The following CALR variants were observed in gnomAD, a reference collection of about 807,000 sequenced individuals.
The protein encoded by CALR is calreticulin.
CALR carries 15 observed loss-of-function variants against 51.1 expected under a neutral mutation model. That is an observed-to-expected ratio of 0.29 (90% confidence interval 0.20 to 0.45). The LOEUF (loss-of-function observed/expected upper bound fraction) is 0.45, where lower values mean the gene tolerates loss of function less well. Ranked by LOEUF, CALR falls within the 20% of genes least tolerant of loss-of-function variation. The pLI is 1.00. For missense variants in CALR, 477 were observed against 530.6 expected, an observed-to-expected ratio of 0.90 and a Z score of 0.99; for synonymous variants, 239 against 205.9, an observed-to-expected ratio of 1.16 and a Z score of -1.38.
In CALR at chr19:12,940,731, C is replaced by T. The variant is rs367698874; in HGVS notation, c.817-13C>T. On this transcript the variant is annotated splice_polypyrimidine_tract_variant and intron_variant, in intron 6 of 8. Transcript: ENST00000316448. Reference sequence around the variant, plus strand: ...ACCTTACTCACCCTTCGGTTTCCTTCTCCCTTCTGCAGGGTGAGTGGAAGC... The same window carrying T: ...ACCTTACTCACCCTTCGGTTTCCTTTTCCCTTCTGCAGGGTGAGTGGAAGC... 3.5e-5 allele frequency: 57 copies of T among 1,614,064 alleles called. No homozygotes were observed. The highest frequency in any genetic ancestry group is 4.7e-5 in the Non-Finnish European group (55 of 1,180,034).
chr19:12,941,018 C>A (rs1378239205), intron 7 of CALR, 131 bp downstream of exon 7: 10 of 847,698 alleles, frequency 1.2e-5, no homozygotes, highest in Non-Finnish European at 2.0e-5. Flanking sequence ...AACAGTACTT[C>A]CTGGTCTGTC....
At position 12,943,577 on chromosome 19, in the gene CALR, A is replaced by G; in HGVS notation, c.1001A>G (p.Asn334Ser). The G allele has an allele frequency of 1.2e-6, 2 of 1,614,044 alleles. No homozygotes were observed. Among genetic ancestry groups the G allele is most frequent in the Non-Finnish European group, 1.7e-6 (2 of 1,179,974 alleles). The change falls in exon 8 of 9, where the codon AAC (asparagine) becomes AGC (serine). Residue 334 changes from asparagine (N) to serine (S), a missense_variant. Coordinates refer to ENST00000316448, the MANE Select transcript of CALR (RefSeq NM_004343.4). ...GTIFDNFLIT[N>S]DEAYAEEFGN... is the part of the protein sequence containing the mutation. ...ATCTTTGACAACTTCCTCATCACCA[A>G]CGATGAGGCATACGCTGAGGAGTTT...
At chr19:12,941,489 T>G (rs1331256877) in intron 7 of CALR, among the ~76,000 whole-genome samples, 1 of 62,364 alleles carries the variant, frequency 1.6e-5, no homozygotes, top group African/African-American at 6.1e-5. Flanking sequence ...TTTTTTTTTT[T>G]GAGACCGTGC....
At chr19:12,941,882 G>C (rs1224372959) in intron 7 of CALR, among the ~76,000 whole-genome samples, 1 of 151,954 alleles carries the variant, frequency 6.6e-6, no homozygotes, top group Non-Finnish European at 1.5e-5. Flanking sequence ...GGGATTACAA[G>C]GGTTAGCCAC....
chr19:12,940,712 C>T (rs1283495828), intron 6 of CALR, 32 bp from the exon 7 acceptor site: 4 of 1,614,156 alleles, frequency 2.5e-6, no homozygotes, highest in South Asian at 1.1e-5. Flanking sequence ...ACCAACCTTA[C>T]TCACCCTTCG....
rs752236819 is a variant in CALR at position 12,940,115 on chromosome 19, A to G, written c.460A>G (p.Asn154Asp). The G allele has an allele frequency of 8.7e-6, 14 of 1,614,114 alleles. No individual in the cohort carries two copies. The highest frequency in any genetic ancestry group is 1.3e-5 in the African/African-American group (1 of 74,938). Residue 154 changes from asparagine (N) to aspartate (D), a missense_variant, in exon 4 of 9, where the codon AAC (asparagine) becomes GAC (aspartate). By Grantham distance (23) the Asn-to-Asp change is conservative. Transcript: ENST00000316448. ...TGTCATCTTCAACTACAAGGGCAAG[A>G]ACGTGCTGATCAACAAGGACATCCG... ...VHVIFNYKGK[N>D]VLINKDIRCK...
Position 12,943,848 on chromosome 19 carries a change from G to A in CALR, c.1189G>A (p.Asp397Asn). 6.3e-7 allele frequency: 1 copy of A among 1,580,888 alleles called. No individual in the cohort carries two copies. Among genetic ancestry groups the A allele is most frequent in the Non-Finnish European group, 8.6e-7 (1 of 1,163,414 alleles). ...TGAGGACAAAGATGAGGATGAGGAG[G>A]ATGAGGAGGACAAGGAGGAAGATGA... is the stretch of plus-strand genomic sequence containing the variant. ...DDEDKDEDEE[D>N]EEDKEEDEEE... is the part of the protein sequence containing the mutation. Residue 397 changes from aspartate (D) to asparagine (N), a missense_variant, in exon 9 of 9, where the codon GAT (aspartate) becomes AAT (asparagine). Transcript: ENST00000316448.
intron 5 of CALR, 30 bp downstream of exon 5, chr19:12,940,482 C>T: frequency 6.2e-7 from 1 of 1,613,332 alleles, no homozygotes; most frequent in Non-Finnish European, 8.5e-7. Flanking sequence ...CTCTGCTCTC[C>T]ACATTGGAGG....
In CALR at chr19:12,940,602, A is replaced by G. The variant is rs1160175170; in HGVS notation, c.764A>G (p.Glu255Gly). The G allele has an allele frequency of 5.6e-6, 9 of 1,614,206 alleles. No homozygotes were observed. The highest frequency in any genetic ancestry group is 6.8e-6 in the Non-Finnish European group (8 of 1,180,032). The change falls in exon 6 of 9, where the codon GAA (glutamate) becomes GGA (glycine). Residue 255 changes from glutamate (E) to glycine (G), a missense_variant. By Grantham distance (98) the Glu-to-Gly change is moderately conservative. Transcript: ENST00000316448. ...GCTAAGAAGCCCGAGGACTGGGATG[A>G]AGAGATGGACGGAGAGTGGGAACCC... is the stretch of plus-strand genomic sequence containing the variant. ...PDAKKPEDWDEEMDGEWEPPV... is the reference protein window; with the variant it reads ...PDAKKPEDWDGEMDGEWEPPV...
intron 7 of CALR, among the ~76,000 whole-genome samples, chr19:12,942,253 C>G (rs2146018690): frequency 6.6e-6 from 1 of 151,588 alleles, no homozygotes; most frequent in Middle Eastern, 3.4e-3. Context: ...GTCCCAGCTA[C>G]TCGGGAGGCT....
intron 2 of CALR, 68 bp from the exon 3 acceptor site, chr19:12,939,357 TCTC>T: frequency 1.3e-6 from 2 of 1,521,666 alleles, no homozygotes; most frequent in East Asian, 4.5e-5. Context: ...GGGGGAGTCT[TCTC>T]TATTCTCTAA....
At chr19:12,939,338 G>A in intron 2 of CALR, 90 bp from the exon 3 acceptor site, 1 of 1,458,156 alleles carries the variant, frequency 6.9e-7, no homozygotes. Flanking sequence ...GAGGACAGGT[G>A]GAGGAAGTGG....
At chr19:12,942,713 T>G (rs978309001) in intron 7 of CALR, among the ~76,000 whole-genome samples, 1 of 149,910 alleles carries the variant, frequency 6.7e-6, no homozygotes, top group African/African-American at 2.5e-5. Context: ...TCATGCCTCA[T>G]CCTCTCGAGC....
Position 12,943,374 on chromosome 19 carries a change from C to G in CALR, c.961-163C>G. The G allele has an allele frequency of 4.2e-6, 3 of 708,758 alleles. No individual in the cohort carries two copies. In the South Asian group the frequency reaches 4.8e-5, roughly 11 times the overall value. The allele number at this position is 708,758 out of a possible 1,614,324, so 43.9% of individuals were successfully genotyped here. A position where few individuals can be genotyped will look rare whatever the true frequency, so the allele number is the denominator to read the frequency against. Reference sequence around the variant, plus strand: ...GGATTACAGGCGTGATCCACCTCACCTGGCCTCTCCATCTTTTTAACTGCA... The same window carrying G: ...GGATTACAGGCGTGATCCACCTCACGTGGCCTCTCCATCTTTTTAACTGCA... On this transcript the variant is annotated intron_variant, in intron 7 of 8. Transcript: ENST00000316448.
At chr19:12,939,089 G>T in intron 1 of CALR, 45 bp from the exon 2 acceptor site, 1 of 1,126,150 alleles carries the variant, frequency 8.9e-7, no homozygotes. Context: ...TGTGGGGGGG[G>T]ATTAGCACAG....
intron 7 of CALR, 59 bp downstream of exon 7, chr19:12,940,946 A>C (rs1377896874): frequency 6.4e-7 from 1 of 1,563,046 alleles, no homozygotes; most frequent in East Asian, 2.2e-5. Context: ...AAGATCACCC[A>C]AGAGGAAAGG....
chr19:12,943,000 T>A (rs1158697382), intron 7 of CALR, among the ~76,000 whole-genome samples: 1 of 151,654 alleles, frequency 6.6e-6, no homozygotes, highest in African/African-American at 2.4e-5. Context: ...AAGTGATCCG[T>A]TCGCCATGAC....
In CALR at chr19:12,938,632, G is replaced by T. The variant is rs374628652; in HGVS notation, c.-48G>T. 5.6e-6 allele frequency: 8 copies of T among 1,436,494 alleles called. No individual in the cohort carries two copies. The African/African-American group carries it at 7.0e-5, about 13-fold the overall frequency. 89.0% of individuals were successfully genotyped at this position (1,436,494 alleles called of 1,614,324 possible). On this transcript the variant is annotated 5_prime_UTR_variant, in exon 1 of 9. Coordinates refer to ENST00000316448, the MANE Select transcript of CALR (RefSeq NM_004343.4). The stretch of plus-strand genomic sequence containing the variant: ...CCGTCCGTACTGCAGAGCCGCTGCC[G>T]GAGGGTCGTTTTAAAGGGCCCGCGC...
At position 12,940,628 on chromosome 19, in the gene CALR, C is replaced by T. The variant is rs1227247334; in HGVS notation, c.790C>T (p.Pro264Ser). ...AGAGATGGACGGAGAGTGGGAACCC[C>T]CAGTGATTCAGAACCCTGAGTACAA... ...DEEMDGEWEP[P>S]VIQNPEYKGE... Residue 264 changes from proline to serine, a missense_variant, in exon 6 of 9, where the codon CCA becomes TCA. Pro to Ser is a moderately conservative substitution (Grantham distance 74). Coordinates refer to ENST00000316448, the MANE Select transcript of CALR (RefSeq NM_004343.4). 5.6e-6 allele frequency: 9 copies of T among 1,614,042 alleles called. No homozygotes were observed. The highest frequency in any genetic ancestry group is 7.6e-6 in the Non-Finnish European group (9 of 1,180,030).
Sources: allele counts gnomAD v4.1 joint callset (sites outside exome capture counted in the v4.1 genomes callset), GRCh38; gene constraint gnomAD v4.1.1; transcripts MANE v1.5; gene names NCBI Gene and HGNC (gene_info 2026-07-23, HGNC 2026-07-21).